The following ACOT11 variants were observed in gnomAD, a reference collection of about 807,000 sequenced individuals.
ACOT11 encodes acyl-CoA thioesterase 11.
ACOT11 carries 69 observed loss-of-function variants against 77.5 expected under a neutral mutation model. That is an observed-to-expected ratio of 0.89 (90% CI 0.73 to 1.09). The LOEUF (loss-of-function observed/expected upper bound fraction) is 1.09. Among genes scored for constraint, ACOT11 ranks in the 50% least tolerant of loss-of-function variants. ACOT11 has a pLI of 0.00. For missense variants in ACOT11, 766 were observed against 813.7 expected (o/e 0.94, Z 0.71); for synonymous variants, 279 against 313.0 (o/e 0.89, Z 1.15).
chr1:54,597,869 T>C, intron 7 of ACOT11: 1 of 167,246 alleles, frequency 6.0e-6, no homozygotes, highest in South Asian at 1.6e-4. Flanking sequence ...CATAAAGCCA[T>C]CTCTGACTGT....
At chr1:54,617,740 T>A (rs1354780088) in intron 15 of ACOT11, among the ~76,000 whole-genome samples, 2 of 114,652 alleles carry the variant, frequency 1.7e-5, no homozygotes, top group African/African-American at 3.2e-5. Context: ...TTTTTTTTTT[T>A]TTTTATGAAG....
At position 54,592,584 on chromosome 1, in the gene ACOT11, G is replaced by A. The variant is rs764002069; in HGVS notation, c.350G>A (p.Arg117Gln). The part of the protein sequence containing the change: ...QVVNIKAKVN[R>Q]AFNSSMEVGI... The stretch of plus-strand genomic sequence containing the variant: ...GTGAATATCAAGGCCAAGGTGAACC[G>A]GGCCTTCAACTCCAGCATGGAGGTG... The change falls in exon 4 of 16, where the codon CGG (arginine) becomes CAG (glutamine). Residue 117 changes from arginine to glutamine, a missense_variant. Coordinates refer to ENST00000343744, the MANE Select transcript of ACOT11 (RefSeq NM_147161.4). 1.1e-5 allele frequency: 18 copies of A among 1,613,396 alleles called. No homozygotes were observed. The highest frequency in any genetic ancestry group is 1.4e-5 in the Non-Finnish European group (16 of 1,179,688).
At position 54,584,578 on chromosome 1, in the gene ACOT11, C is replaced by G. The variant is rs1384562904; in HGVS notation, c.34-77C>G. On this transcript the variant is annotated intron_variant, in intron 1 of 15. Coordinates refer to ENST00000343744, the MANE Select transcript of ACOT11 (RefSeq NM_147161.4). The surrounding 1 kb of genome is among the most constrained non-coding windows in gnomAD (Gnocchi z 6.3). ...CTCTCTCTCCCCCAGACCCTAAGTT[C>G]TCAGGGCTGGACAGACCTGGGAGAC... is the stretch of plus-strand genomic sequence containing the variant. 10 of 1,411,348 alleles carry G rather than the reference C, an allele frequency of 7.1e-6. No individual in the cohort carries two copies. The highest frequency in any genetic ancestry group is 2.0e-5 in the Admixed American group (1 of 49,534). 87.4% of individuals were successfully genotyped at this position (1,411,348 alleles called of 1,614,324 possible).
rs1643994232 is a variant in ACOT11, at chr1:54,603,901, G to A, written c.1116G>A (p.Glu372=). The change falls in exon 11 of 16, where the codon GAG becomes GAA. Residue 372 remains glutamate, a synonymous_variant. Transcript: ENST00000343744. ...RKYIVSCKQT[E]VPLSVPWDPS... Reference sequence around the variant, plus strand: ...ACATCGTGTCCTGTAAGCAGACAGAGGTGCCCCTCTCCGTCCCCTGGGACC... The same window carrying A: ...ACATCGTGTCCTGTAAGCAGACAGAAGTGCCCCTCTCCGTCCCCTGGGACC... 1.2e-6 allele frequency: 2 copies of A among 1,614,158 alleles called. No homozygotes were observed. The highest frequency in any genetic ancestry group is 2.2e-5 in the South Asian group (2 of 91,082).
At chr1:54,559,426 C>T (rs1367467942) in intron 1 of ACOT11, among the ~76,000 whole-genome samples, 2 of 152,190 alleles carry the variant, frequency 1.3e-5, no homozygotes, top group East Asian at 1.9e-4. Context: ...GGCCCGATGA[C>T]GAAAAGGGTG....
chr1:54,566,798 G>A (rs1653750539), intron 1 of ACOT11, among the ~76,000 whole-genome samples: 1 of 152,176 alleles, frequency 6.6e-6, no homozygotes, highest in African/African-American at 2.4e-5. Context: ...CCCACGTGTG[G>A]CCTCTTCAAT....
rs940614114 is a variant in ACOT11 at position 54,609,297 on chromosome 1, C to T, written c.*185C>T. Reference sequence around the variant, plus strand: ...TTTCTACCAACATGAGCCAGCAAGTCCTTGTGGTAGCCCTGGGGTAGCCTG... The same window carrying T: ...TTTCTACCAACATGAGCCAGCAAGTTCTTGTGGTAGCCCTGGGGTAGCCTG... On this transcript the variant is annotated 3_prime_UTR_variant, in exon 16 of 16. Coordinates refer to ENST00000343744, the MANE Select transcript of ACOT11 (RefSeq NM_147161.4). 1.2e-6 allele frequency: 2 copies of T among 1,609,456 alleles called. No individual in the cohort carries two copies. Among genetic ancestry groups the T allele is most frequent in the East Asian group, 2.2e-5 (1 of 44,724 alleles).
At chr1:54,630,610 G>T (rs1644294026) in intron 15 of ACOT11, 1 of 522,484 alleles carries the variant, frequency 1.9e-6, no homozygotes, top group Non-Finnish European at 3.5e-6. Flanking sequence ...GCTAATGACT[G>T]GTTTGCTGTT....
downstream of ACOT11, chr1:54,612,749 A>G: frequency 6.6e-7 from 1 of 1,521,882 alleles, no homozygotes; most frequent in Non-Finnish European, 9.1e-7. Context: ...ACGGAGCTGC[A>G]GCGGCCCCTT....
At chr1:54,622,547 C>T (rs1438903086) in intron 15 of ACOT11, among the ~76,000 whole-genome samples, 3 of 150,754 alleles carry the variant, frequency 2.0e-5, no homozygotes, top group Admixed American at 1.3e-4. Context: ...TCCAGCCTGG[C>T]GACAGAGAGA....
intron 6 of ACOT11, 35 bp downstream of exon 6, chr1:54,594,726 C>G (rs546209415): frequency 6.9e-6 from 11 of 1,587,156 alleles, no homozygotes; most frequent in Middle Eastern, 1.8e-4. Flanking sequence ...GGGAGGGTAG[C>G]TGGCGTCCTG....
At chr1:54,594,085 G>C (rs980687516) in intron 5 of ACOT11, 46 bp downstream of exon 5, 1 of 1,567,656 alleles carries the variant, frequency 6.4e-7, no homozygotes, top group Non-Finnish European at 8.8e-7. Flanking sequence ...AGTGACCTGG[G>C]CACCTGCCAT....
chr1:54,606,793 GAC>G (rs1461536756), intron 13 of ACOT11, among the ~76,000 whole-genome samples: 14 of 152,238 alleles, frequency 9.2e-5, no homozygotes, highest in Non-Finnish European at 2.9e-5. Context: ...GACATGTATA[GAC>G]ACACGTGGGT....
At chr1:54,577,973 G>A (rs1654173448) in intron 1 of ACOT11, among the ~76,000 whole-genome samples, 1 of 152,144 alleles carries the variant, frequency 6.6e-6, no homozygotes, top group East Asian at 1.9e-4. Context: ...GGTTCCTTAG[G>A]ATCCCTCTCG....
At position 54,609,406 on chromosome 1, in the gene ACOT11, C is replaced by T. The variant is rs1444691197; in HGVS notation, c.*294C>T. On this transcript the variant is annotated 3_prime_UTR_variant, in exon 16 of 16. Transcript: ENST00000343744. ...CATAGTCGCCCCCAGCTGGGTTGTGCTCCACTGTGACGGTGGCCCGGGGGG... is the reference window on the plus strand; with the variant it reads ...CATAGTCGCCCCCAGCTGGGTTGTGTTCCACTGTGACGGTGGCCCGGGGGG... 2 of 1,614,094 alleles carry T rather than the reference C, an allele frequency of 1.2e-6. No individual in the cohort carries two copies. The highest frequency in any genetic ancestry group is 2.2e-5 in the East Asian group (1 of 44,886).
chr1:54,581,185 T>C (rs1464992381), intron 1 of ACOT11, among the ~76,000 whole-genome samples: 2 of 152,158 alleles, frequency 1.3e-5, no homozygotes, highest in Non-Finnish European at 2.9e-5. Flanking sequence ...TTGGATTTGC[T>C]TTTTGGAAAG....
At chr1:54,599,917 A>T (rs973692555) in intron 8 of ACOT11, among the ~76,000 whole-genome samples, 5 of 152,362 alleles carry the variant, frequency 3.3e-5, no homozygotes, top group Admixed American at 3.3e-4. Context: ...GTCATTATTT[A>T]ATTATTAAAA....
intron 1 of ACOT11, among the ~76,000 whole-genome samples, chr1:54,568,610 C>T (rs578221048): frequency 2.6e-5 from 4 of 152,116 alleles, no homozygotes. Flanking sequence ...GTGATCCACT[C>T]ACTTCGGCCT....
At chr1:54,572,269 C>T (rs1653953020) in intron 1 of ACOT11, among the ~76,000 whole-genome samples, 1 of 151,968 alleles carries the variant, frequency 6.6e-6, no homozygotes, top group African/African-American at 2.4e-5. Flanking sequence ...TCTTGCTCTC[C>T]TGAAGGGGAA....
Sources: gnomAD v4.1 joint callset for allele counts (sites outside exome capture counted in the v4.1 genomes callset) on GRCh38, gnomAD v4.1.1 for gene constraint, Gnocchi (gnomAD v3.1) non-coding constraint, MANE v1.5 for transcripts, NCBI Gene and HGNC (gene_info 2026-07-23, HGNC 2026-07-21) for gene names.